The following PWWP2A variants were observed in gnomAD, a reference collection of about 807,000 sequenced individuals.
The protein encoded by PWWP2A is PWWP domain containing 2A.
A neutral mutation model predicts 48.5 loss-of-function variants in PWWP2A; 18 were observed. That is an observed-to-expected ratio of 0.37 (90% CI 0.26 to 0.55). The LOEUF (loss-of-function observed/expected upper bound fraction) is 0.55. PWWP2A is among the 20% of genes least tolerant of loss of function. The pLI, the probability that PWWP2A is intolerant of heterozygous loss-of-function variation, is 0.81. For missense variants in PWWP2A, 867 were observed against 976.4 expected (o/e 0.89, Z 1.49); for synonymous variants, 396 against 387.7 (o/e 1.02, Z -0.25).
chr5:160,096,116 G>GT (rs1554102343), intron 1 of PWWP2A, among the ~76,000 whole-genome samples: 1 of 152,104 alleles, frequency 6.6e-6, no homozygotes, highest in Non-Finnish European at 1.5e-5. Context: ...CATACACCAG[G>GT]TATTATTCTA....
In PWWP2A at chr5:160,093,206, T is replaced by C; in HGVS notation, c.1444A>G (p.Arg482Gly). The change falls in exon 2 of 2, where the codon AGG (arginine) becomes GGG (glycine). Residue 482 changes from arginine (R) to glycine (G), a missense_variant. Physicochemically the swap from Arg to Gly is moderately radical, Grantham distance 125. This residue lies in a region of PWWP2A where 382 missense variants were observed against 407.2 expected (regional missense o/e 0.94). Transcript: ENST00000307063. The surrounding 1 kb of genome is among the most constrained non-coding windows in gnomAD (Gnocchi z 5.8). ...AGAGAAGAGTCATTTTCTTCATTCC[T>C]GTACCTCTGTGGTTTTAAACGAACC... is the stretch of plus-strand genomic sequence containing the variant. ...PRVRLKPQRY[R>G]NEENDSSLKT... The C allele has an allele frequency of 6.2e-7, 1 of 1,614,022 alleles. No individual in the cohort carries two copies. Among genetic ancestry groups the C allele is most frequent in the Non-Finnish European group, 8.5e-7 (1 of 1,179,892 alleles).
chr5:160,095,638 A>G (rs1179898612), intron 1 of PWWP2A, among the ~76,000 whole-genome samples: 1 of 149,088 alleles, frequency 6.7e-6, no homozygotes, highest in African/African-American at 2.5e-5. Flanking sequence ...ATATATGTCT[A>G]TATTTTCTAC....
At chr5:160,073,632 T>C (rs1330595438), downstream of PWWP2A, among the ~76,000 whole-genome samples, 1 of 152,184 alleles carries the variant, frequency 6.6e-6, no homozygotes, top group Non-Finnish European at 1.5e-5. Flanking sequence ...GAAAGTACTC[T>C]TAACGCTTAA....
At chr5:160,105,023 T>C (rs1437763360) in intron 1 of PWWP2A, among the ~76,000 whole-genome samples, 2 of 151,980 alleles carry the variant, frequency 1.3e-5, no homozygotes, top group Non-Finnish European at 2.9e-5. Context: ...AGGAGTATCG[T>C]TTGAGCCTAG....
the PWWP2A span, among the ~76,000 whole-genome samples, chr5:160,054,624 G>T: frequency 2.0e-5 from 3 of 147,864 alleles, no homozygotes; most frequent in Non-Finnish European, 3.0e-5. Context: ...AAAGAAAAAA[G>T]AAAAGAAAAA....
chr5:160,071,364 T>C (rs1753735668), downstream of PWWP2A, among the ~76,000 whole-genome samples: 1 of 152,002 alleles, frequency 6.6e-6, no homozygotes. Flanking sequence ...CCTGAATAGA[T>C]AGTGGGATGA....
chr5:160,118,690 G>C (rs1402057408), intron 1 of PWWP2A, 115 bp downstream of exon 1: 1 of 1,100,504 alleles, frequency 9.1e-7, no homozygotes, highest in Non-Finnish European at 1.2e-6. Context: ...CGCAGGACCA[G>C]AGGGCGGGGC....
chr5:160,048,780 A>C, the PWWP2A span, among the ~76,000 whole-genome samples: 6 of 152,074 alleles, frequency 3.9e-5, no homozygotes, highest in African/African-American at 1.4e-4. Flanking sequence ...ATGAAACCCC[A>C]TCTCTACTAA....
exon 3 of PWWP2A, chr5:160,080,680 C>G (rs1165321700): frequency 6.4e-7 from 1 of 1,566,058 alleles, no homozygotes; most frequent in Non-Finnish European, 8.7e-7. Flanking sequence ...CTTCAATGCT[C>G]CCAGTCTGAA....
At chr5:160,074,725 A>T (rs1299008707), downstream of PWWP2A, among the ~76,000 whole-genome samples, 1 of 152,038 alleles carries the variant, frequency 6.6e-6, no homozygotes, top group East Asian at 1.9e-4. Flanking sequence ...CAGCCTGGGC[A>T]ACAAGAGCAA....
chr5:160,092,529 T>C lies in PWWP2A; in HGVS notation c.2121A>G (p.Ser707=). 6.4e-7 allele frequency: 1 copy of C among 1,551,630 alleles called. No individual in the cohort carries two copies. ...GSPTTSFLAL[S]QLSPFLENFQ... ...AGTTTTCTAAAAAGGGGGAGAGTTG[T>C]GAAAGAGCAAGGAAAGATGTTGTTG... Residue 707 remains serine (S), a synonymous_variant, in exon 2 of 2, where the codon TCA becomes TCG. Coordinates refer to ENST00000307063, the MANE Select transcript of PWWP2A (RefSeq NM_001130864.2).
At position 160,092,094 on chromosome 5, in the gene PWWP2A, C is replaced by G. The variant is rs201057443; in HGVS notation, c.*288G>C. 35 of 1,099,024 alleles carry G rather than the reference C, an allele frequency of 3.2e-5. No homozygotes were observed. The East Asian group carries it at 1.9e-3, about 59-fold the overall frequency. 68.1% of individuals were successfully genotyped at this position (1,099,024 alleles called of 1,614,324 possible). On this transcript the variant is annotated 3_prime_UTR_variant, in exon 2 of 2. Coordinates refer to ENST00000307063, the MANE Select transcript of PWWP2A (RefSeq NM_001130864.2). ...TACAAATGGCAATTAACAGTCCCTA[C>G]AAAAATTCAATTTCAGTTGAGGCTA...
At chr5:160,097,545 G>A (rs538869947) in intron 1 of PWWP2A, among the ~76,000 whole-genome samples, 2 of 151,530 alleles carry the variant, frequency 1.3e-5, no homozygotes, top group African/African-American at 2.4e-5. Flanking sequence ...CAGGAGAATC[G>A]CTTGAACCCG....
chr5:160,046,748 T>C, the PWWP2A span, among the ~76,000 whole-genome samples: 39 of 152,220 alleles, frequency 2.6e-4, no homozygotes, highest in Non-Finnish European at 5.1e-4. Context: ...GCACAGTGGC[T>C]CACGCCTGTA....
At chr5:160,069,075 T>C (rs1250745736) in intron 2 of PWWP2A, among the ~76,000 whole-genome samples, 1 of 151,976 alleles carries the variant, frequency 6.6e-6, no homozygotes, top group Non-Finnish European at 1.5e-5. Flanking sequence ...GGCAGACTGC[T>C]TTAGCTCAGG....
At position 160,119,406 on chromosome 5, in the gene PWWP2A, C is replaced by T. The variant is rs529907639; in HGVS notation, c.-18G>A. On this transcript the variant is annotated 5_prime_UTR_variant, in exon 1 of 2. Coordinates refer to ENST00000307063, the MANE Select transcript of PWWP2A (RefSeq NM_001130864.2). Reference sequence around the variant, plus strand: ...GCCGCCATTTTCTTCCTAGCTTCTCCCTCCTCCAACTCCGGCTGCAGCGGC... The same window carrying T: ...GCCGCCATTTTCTTCCTAGCTTCTCTCTCCTCCAACTCCGGCTGCAGCGGC... 5.1e-6 allele frequency: 7 copies of T among 1,362,860 alleles called. No individual in the cohort carries two copies. Among genetic ancestry groups the T allele is most frequent in the Non-Finnish European group, 6.6e-6 (7 of 1,064,408 alleles). 84.4% of individuals were successfully genotyped at this position (1,362,860 alleles called of 1,614,324 possible). A position where few individuals can be genotyped will look rare whatever the true frequency, so the allele number is the denominator to read the frequency against.
chr5:160,092,494 C>T lies in PWWP2A; in HGVS notation c.2156G>A (p.Arg719His). The change falls in exon 2 of 2, where the codon CGC becomes CAC. Residue 719 changes from arginine to histidine, a missense_variant. Physicochemically the swap from Arg to His is conservative, Grantham distance 29. Coordinates refer to ENST00000307063, the MANE Select transcript of PWWP2A (RefSeq NM_001130864.2). ...CAGGCCCTTTCTCTTCTTATTAAAGCGTGACTGGAAGTTTTCTAAAAAGGG... is the reference window on the plus strand; with the variant it reads ...CAGGCCCTTTCTCTTCTTATTAAAGTGTGACTGGAAGTTTTCTAAAAAGGG... Reference protein sequence around the residue: ...LSPFLENFQSRFNKKRKGLYR... With the variant: ...LSPFLENFQSHFNKKRKGLYR... 3 of 1,551,594 alleles carry T rather than the reference C, an allele frequency of 1.9e-6. No individual in the cohort carries two copies. The highest frequency in any genetic ancestry group is 2.6e-6 in the Non-Finnish European group (3 of 1,146,980).
chr5:160,048,949 TAA>T, the PWWP2A span, among the ~76,000 whole-genome samples: 8 of 149,858 alleles, frequency 5.3e-5, no homozygotes, highest in African/African-American at 7.4e-5. Context: ...AGACTCCGTC[TAA>T]AAAAAAAAAA....
At chr5:160,060,005 GA>G (rs1757656998), downstream of PWWP2A, among the ~76,000 whole-genome samples, 1 of 152,222 alleles carries the variant, frequency 6.6e-6, no homozygotes, top group Non-Finnish European at 1.5e-5. Context: ...GCCTGTATAA[GA>G]ATTTCAACTG....
Sources: allele counts gnomAD v4.1 joint callset (sites outside exome capture counted in the v4.1 genomes callset), GRCh38; gene constraint gnomAD v4.1.1; regional missense constraint gnomAD v4.1.1; non-coding constraint Gnocchi (gnomAD v3.1); transcripts MANE v1.5; gene names NCBI Gene and HGNC (gene_info 2026-07-23, HGNC 2026-07-21).